The following COL5A1 variants were observed in gnomAD, a reference collection of about 807,000 sequenced individuals.
COL5A1 encodes collagen type V alpha 1 chain.
COL5A1 carries 16 observed loss-of-function variants against 263.7 expected under a neutral mutation model. The ratio of observed to expected loss-of-function variants is 0.06; its 90% CI spans 0.04 to 0.09. The LOEUF (loss-of-function observed/expected upper bound fraction) is 0.09, where lower values mean the gene tolerates loss of function less well. Ranked by LOEUF, COL5A1 falls within the 10% of genes least tolerant of loss-of-function variation. The probability of loss-of-function intolerance (pLI) is 1.00; values close to 1 mark genes in which losing one functional copy is unlikely to be tolerated. For missense variants in COL5A1, 2,036 were observed against 2,540.5 expected, an observed-to-expected ratio of 0.80 and a Z score of 4.27; for synonymous variants, 1,012 against 1,004.5, an observed-to-expected ratio of 1.01 and a Z score of -0.14.
At chr9:134,694,232 C>CG (rs1833383106) in intron 2 of COL5A1, among the ~76,000 whole-genome samples, 1 of 152,246 alleles carries the variant, frequency 6.6e-6, no homozygotes, top group Non-Finnish European at 1.5e-5. Flanking sequence ...CCCTGGATCA[C>CG]GGGGGTGGGG....
rs531836602 is a variant in COL5A1 at position 134,643,767 on chromosome 9, C to A, written c.109+1471C>A. ...GTGTGGTCAGGGACTGTGCCATTGC[C>A]GGGGGACTAGGCCCTGTCTCAGCGC... On this transcript the variant is annotated intron_variant, in intron 1 of 65. Coordinates refer to ENST00000371817, the MANE Select transcript of COL5A1 (RefSeq NM_000093.5). Among the ~76,000 whole-genome samples, 56 of 152,256 alleles carry A rather than the reference C, an allele frequency of 3.7e-4. No individual in the cohort carries two copies. The East Asian group carries it at 7.4e-3, about 20-fold the overall frequency.
At chr9:134,736,203 G>GCTGT (rs10691828) in intron 9 of COL5A1, among the ~76,000 whole-genome samples, 89,502 of 151,932 alleles carry the variant, frequency 0.59, 28,009 homozygotes, top group African/African-American at 0.81. Flanking sequence ...TCAGAAGTGA[G>GCTGT]CTTAGTTCAT....
chr9:134,760,423 CA>C (rs1836326601), intron 18 of COL5A1, among the ~76,000 whole-genome samples: 1 of 123,492 alleles, frequency 8.1e-6, no homozygotes, highest in Non-Finnish European at 1.7e-5. Context: ...CACATGCACA[CA>C]CACCACACAT....
chr9:134,844,790 A>C lies in COL5A1; in HGVS notation c.*2487A>C, dbSNP rs1244591722. On this transcript the variant is annotated 3_prime_UTR_variant, in exon 66 of 66. Transcript: ENST00000371817. ...TATTCTAAACTTGTGTAACAAAGGA[A>C]TAATTAACTGTAATAGTTTTTCAAT... The C allele has an allele frequency of 1.3e-5, 2 of 152,268 alleles. No individual in the cohort carries two copies. The highest frequency in any genetic ancestry group is 4.8e-5 in the African/African-American group (2 of 41,478). 9.4% of individuals were successfully genotyped at this position (152,268 alleles called of 1,614,324 possible).
chr9:134,773,438 C>T (rs545482221), intron 26 of COL5A1, among the ~76,000 whole-genome samples: 2 of 152,304 alleles, frequency 1.3e-5, no homozygotes, highest in African/African-American at 4.8e-5. Context: ...GTGGGGACTG[C>T]TCTTGCTGTC....
chr9:134,749,609 A>T, intron 11 of COL5A1, among the ~76,000 whole-genome samples: 1 of 152,144 alleles, frequency 6.6e-6, no homozygotes, highest in East Asian at 1.9e-4. Flanking sequence ...CGTCTCACTC[A>T]GGTGGTGTGA....
intron 32 of COL5A1, among the ~76,000 whole-genome samples, chr9:134,791,244 A>C (rs1330868219): frequency 6.6e-6 from 1 of 152,206 alleles, no homozygotes; most frequent in African/African-American, 2.4e-5. Context: ...TCACTGCTGC[A>C]CCTGGCTGGT....
intron 29 of COL5A1, among the ~76,000 whole-genome samples, chr9:134,784,517 C>T (rs966906028): frequency 1.3e-5 from 2 of 152,232 alleles, no homozygotes; most frequent in African/African-American, 2.4e-5. Flanking sequence ...TGAGGCCCTC[C>T]CGTGTGCTCG....
At chr9:134,783,361 C>T (rs73560042) in intron 29 of COL5A1, among the ~76,000 whole-genome samples, 12,485 of 152,174 alleles carry the variant, frequency 0.082, 784 homozygotes, top group African/African-American at 0.17. Flanking sequence ...TGGGGCTTGC[C>T]GGCAACCACA....
chr9:134,801,083 G>A (rs1422588517), intron 37 of COL5A1, among the ~76,000 whole-genome samples: 1 of 152,252 alleles, frequency 6.6e-6, no homozygotes. Context: ...TCTCCTTTGA[G>A]GGAGAGTACA....
chr9:134,805,036 C>T lies in COL5A1; in HGVS notation c.3176C>T (p.Pro1059Leu). Residue 1059 changes from proline to leucine, a missense_variant, in exon 40 of 66, where the codon CCT (proline) becomes CTT (leucine). Physicochemically the swap from Pro to Leu is moderately conservative, Grantham distance 98. Transcript: ENST00000371817. ...KDGPPGLRGF[P>L]GDRGLPGPVG... ...GGCCCTCCAGGATTACGTGGTTTCC[C>T]TGGGGACCGAGGGCTTCCTGGTCCA... The T allele has an allele frequency of 6.2e-7, 1 of 1,613,980 alleles. No individual in the cohort carries two copies. Among genetic ancestry groups the T allele is most frequent in the South Asian group, 1.1e-5 (1 of 91,086 alleles).
chr9:134,765,360 C>T lies in COL5A1; in HGVS notation c.2035-321C>T, dbSNP rs571245657. On this transcript the variant is annotated intron_variant, in intron 20 of 65. Transcript: ENST00000371817. The surrounding 1 kb of genome is among the most constrained non-coding windows in gnomAD (Gnocchi z 5.1). ...ATAGCGTGGTGATTCTCTGGGGGAG[C>T]GTCTGCTCACCTGCCCCAGCAAGTG... Among the ~76,000 whole-genome samples the T allele has an allele frequency of 7.9e-5, 12 of 152,186 alleles. No homozygotes were observed. Among genetic ancestry groups the T allele is most frequent in the African/African-American group, 2.4e-4 (10 of 41,526 alleles).
At position 134,700,787 on chromosome 9, in the gene COL5A1, C is replaced by T. The variant is rs558615920; in HGVS notation, c.492-384C>T. ...CTCGCATGCACACAGCAAAATACAA[C>T]GGCCGCCGCCCTGCCATTCTCCCGA... On this transcript the variant is annotated intron_variant, in intron 3 of 65. Coordinates refer to ENST00000371817, the MANE Select transcript of COL5A1 (RefSeq NM_000093.5). This position sits in a 1 kb window ranked among gnomAD's most constrained non-coding sequence, Gnocchi z 4.0. Among the ~76,000 whole-genome samples the T allele has an allele frequency of 5.3e-5, 8 of 152,312 alleles. No individual in the cohort carries two copies. Among genetic ancestry groups the T allele is most frequent in the Middle Eastern group, 3.4e-3 (1 of 294 alleles).
chr9:134,672,823 CAG>C (rs1262634901), intron 1 of COL5A1, among the ~76,000 whole-genome samples: 9 of 152,114 alleles, frequency 5.9e-5, no homozygotes, highest in African/African-American at 2.2e-4. Context: ...AGCATGGCGA[CAG>C]AATACAAAGT....
intron 63 of COL5A1, among the ~76,000 whole-genome samples, chr9:134,828,331 C>CACAAG (rs1476410818): frequency 1.3e-5 from 2 of 152,138 alleles, no homozygotes; most frequent in African/African-American, 4.8e-5. Flanking sequence ...AGGAAGCGGG[C>CACAAG]ACAAGTAGTG....
At chr9:134,804,059 G>A (rs1401103702) in intron 39 of COL5A1, among the ~76,000 whole-genome samples, 1 of 152,026 alleles carries the variant, frequency 6.6e-6, no homozygotes, top group Non-Finnish European at 1.5e-5. Context: ...TGCAACAAAG[G>A]CAAGCTCTCC....
At chr9:134,759,587 C>T (rs1194330051) in intron 18 of COL5A1, among the ~76,000 whole-genome samples, 1 of 137,432 alleles carries the variant, frequency 7.3e-6, no homozygotes, top group Admixed American at 7.3e-5. Flanking sequence ...CACCCCCACA[C>T]ATGCATACAC....
At chr9:134,683,059 C>T (rs1213960939) in intron 1 of COL5A1, among the ~76,000 whole-genome samples, 6 of 152,226 alleles carry the variant, frequency 3.9e-5, no homozygotes, top group African/African-American at 1.4e-4. Context: ...GGGAGGCACC[C>T]TCCCCTCTGT....
chr9:134,700,077 C>T lies in COL5A1; in HGVS notation c.446C>T (p.Pro149Leu), dbSNP rs369971694. 59 of 1,611,528 alleles carry T rather than the reference C, an allele frequency of 3.7e-5. No homozygotes were observed. In the Middle Eastern group the frequency reaches 1.2e-3, roughly 32 times the overall value. ...GAGGACCACACGGGGAAGCCTGGCC[C>T]GGAAGACTACCCCCTCTTCCGGGGC... ...LYEDHTGKPG[P>L]EDYPLFRGIN... The change falls in exon 3 of 66, where the codon CCG becomes CTG. Residue 149 changes from proline (P) to leucine (L), a missense_variant. Transcript: ENST00000371817. This position sits in a 1 kb window ranked among gnomAD's most constrained non-coding sequence, Gnocchi z 4.0.
Sources: gnomAD v4.1 joint callset for allele counts (sites outside exome capture counted in the v4.1 genomes callset) on GRCh38, gnomAD v4.1.1 for gene constraint, Gnocchi (gnomAD v3.1) non-coding constraint, MANE v1.5 for transcripts, NCBI Gene and HGNC (gene_info 2026-07-23, HGNC 2026-07-21) for gene names.